Variants in ADGRL2 observed in about 807,000 individuals in gnomAD.
ADGRL2 encodes calcium-independent alpha-latrotoxin receptor 2.
A neutral mutation model predicts 157.4 loss-of-function variants in ADGRL2; 44 were observed. That is an observed-to-expected ratio of 0.28 (90% CI 0.22 to 0.36). The LOEUF (loss-of-function observed/expected upper bound fraction) is 0.36. Among genes scored for constraint, ADGRL2 ranks in the 10% least tolerant of loss-of-function variants. The probability of loss-of-function intolerance (pLI) is 1.00; values close to 1 mark genes in which losing one functional copy is unlikely to be tolerated. For synonymous variants in ADGRL2, 585 were observed against 624.7 expected (o/e 0.94, Z 0.95); for missense variants, 1,510 against 1,768.9 (o/e 0.85, Z 2.63).
At chr1:81,399,322 G>A (rs1433706983) in intron 1 of ADGRL2, among the ~76,000 whole-genome samples, 1 of 152,136 alleles carries the variant, frequency 6.6e-6, no homozygotes, top group Non-Finnish European at 1.5e-5. Context: ...CAATATCTCT[G>A]TTGAGATTTG....
chr1:81,648,271 C>A (rs2082350723), intron 3 of ADGRL2, among the ~76,000 whole-genome samples: 1 of 152,118 alleles, frequency 6.6e-6, no homozygotes, highest in Non-Finnish European at 1.5e-5. Flanking sequence ...GGATTAGAAC[C>A]ACAGGACAAT....
intron 3 of ADGRL2, among the ~76,000 whole-genome samples, chr1:81,658,108 C>T (rs777036569): frequency 1.4e-4 from 21 of 152,010 alleles, no homozygotes; most frequent in Middle Eastern, 6.8e-3. Flanking sequence ...ATCTTTTTTG[C>T]GGGGAGGGAT....
At chr1:81,827,308 A>C (rs900224451) in intron 1 of ADGRL2, among the ~76,000 whole-genome samples, 18 of 152,170 alleles carry the variant, frequency 1.2e-4, no homozygotes, top group African/African-American at 4.3e-4. Context: ...GGTGACAGGA[A>C]TTTCAAGAGT....
At chr1:81,317,185 A>AC (rs1419322556) in intron 1 of ADGRL2, among the ~76,000 whole-genome samples, 1 of 151,766 alleles carries the variant, frequency 6.6e-6, no homozygotes, top group African/African-American at 2.4e-5. Context: ...ACATAACACA[A>AC]CCCCCACAAC....
At chr1:81,696,377 G>A (rs1341478307), upstream of ADGRL2, among the ~76,000 whole-genome samples, 1 of 152,090 alleles carries the variant, frequency 6.6e-6, no homozygotes, top group Non-Finnish European at 1.5e-5. Context: ...TGTTTTTCAG[G>A]AAAGAAAGAA....
At chr1:81,726,632 A>T (rs75098383) in intron 1 of ADGRL2, among the ~76,000 whole-genome samples, 10,649 of 152,294 alleles carry the variant, frequency 0.07, 476 homozygotes, top group Non-Finnish European at 0.097. Context: ...CTATTTTACC[A>T]GAATTGGGAA....
chr1:81,534,370 C>T (rs1430505108), intron 2 of ADGRL2, among the ~76,000 whole-genome samples: 1 of 152,134 alleles, frequency 6.6e-6, no homozygotes, highest in East Asian at 1.9e-4. Flanking sequence ...CCATGTTGGC[C>T]AGACTGGCCT....
chr1:81,333,414 T>TTA (rs1553154286), intron 1 of ADGRL2, among the ~76,000 whole-genome samples: 4,771 of 142,830 alleles, frequency 0.033, 112 homozygotes, highest in Non-Finnish European at 0.045. Context: ...TTAATTAATT[T>TTA]ATTTATTTAT....
At chr1:81,355,197 A>C (rs1663190502) in intron 1 of ADGRL2, among the ~76,000 whole-genome samples, 1 of 152,056 alleles carries the variant, frequency 6.6e-6, no homozygotes, top group Admixed American at 6.6e-5. Flanking sequence ...CTAAAAAAAC[A>C]CATTAAAAAA....
At chr1:81,595,986 C>A (rs879425232) in intron 3 of ADGRL2, among the ~76,000 whole-genome samples, 1 of 152,126 alleles carries the variant, frequency 6.6e-6, no homozygotes, top group Non-Finnish European at 1.5e-5. Context: ...GGTGAGGGAG[C>A]TCTCTGCGGC....
intron 1 of ADGRL2, among the ~76,000 whole-genome samples, chr1:81,358,784 A>C (rs1368067885): frequency 6.6e-6 from 1 of 152,156 alleles, no homozygotes; most frequent in Non-Finnish European, 1.5e-5. Context: ...ATGAGTTATA[A>C]TAGGAAAGCA....
chr1:81,400,352 C>G (rs1000830456), intron 1 of ADGRL2, among the ~76,000 whole-genome samples: 4 of 152,222 alleles, frequency 2.6e-5, no homozygotes, highest in Middle Eastern at 3.4e-3. Context: ...CAAGTTTGCT[C>G]TCTGTGGCAG....
chr1:81,347,620 A>G (rs1179810156), intron 1 of ADGRL2, among the ~76,000 whole-genome samples: 2 of 152,212 alleles, frequency 1.3e-5, no homozygotes, highest in African/African-American at 2.4e-5. Flanking sequence ...CTTATAATAA[A>G]AAGTGAAGAA....
chr1:81,771,989 C>T (rs1299030362), intron 2 of ADGRL2, among the ~76,000 whole-genome samples: 2 of 152,092 alleles, frequency 1.3e-5, no homozygotes, highest in African/African-American at 4.8e-5. Context: ...GTGGCTTATG[C>T]CTGTAATCCC....
At chr1:81,974,429 C>T (rs1359172879) in intron 17 of ADGRL2, among the ~76,000 whole-genome samples, 1 of 152,194 alleles carries the variant, frequency 6.6e-6, no homozygotes. Context: ...TCAGCTCACA[C>T]ACTCATTTAG....
chr1:81,875,498 A>G (rs961957861), intron 2 of ADGRL2, among the ~76,000 whole-genome samples: 4 of 152,166 alleles, frequency 2.6e-5, no homozygotes, highest in Admixed American at 6.5e-5. Context: ...TGTTAATAGC[A>G]TTGTTCATTG....
At chr1:81,542,586 AT>A (rs2079911004) in intron 2 of ADGRL2, among the ~76,000 whole-genome samples, 1 of 152,182 alleles carries the variant, frequency 6.6e-6, no homozygotes, top group South Asian at 2.1e-4. Context: ...TTAGGCTCTA[AT>A]TTGCAAGACA....
intron 1 of ADGRL2, among the ~76,000 whole-genome samples, chr1:81,423,935 A>G (rs2077168686): frequency 6.6e-6 from 1 of 152,244 alleles, no homozygotes; most frequent in Non-Finnish European, 1.5e-5. Flanking sequence ...TCCTGAAGAA[A>G]AAGTGTTCAA....
chr1:81,616,679 C>CTTTTCT lies in ADGRL2; in HGVS notation c.-143+35703_-143+35704insCTTTTT, dbSNP rs1491482868. 2.5e-3 allele frequency among the ~76,000 whole-genome samples: 264 copies of CTTTTCT among 105,936 alleles called. 2 individuals are homozygous for CTTTTCT. The highest frequency in any genetic ancestry group is 3.3e-3 in the African/African-American group (88 of 26,694). 69.5% of individuals were successfully genotyped at this position (105,936 alleles called of 152,430 possible). A position where few individuals can be genotyped will look rare whatever the true frequency, so the allele number is the denominator to read the frequency against. ...TTTTTCTTTTCTTTTCTTTTCTTTT[C>CTTTTCT]TTTTTTTTTTTTTTTGAGACAGGGT... On this transcript the variant is annotated intron_variant, in intron 3 of 24. Coordinates refer to the ADGRL2 transcript ENST00000370721.
Sources: gnomAD v4.1 joint callset for allele counts (sites outside exome capture counted in the v4.1 genomes callset) on GRCh38, gnomAD v4.1.1 for gene constraint, MANE v1.5 for transcripts, NCBI Gene and HGNC (gene_info 2026-07-23, HGNC 2026-07-21) for gene names.